Variants in SPINK9 observed in about 807,000 individuals in gnomAD.
SPINK9 encodes the protein serine protease inhibitor Kazal-type 9.
A neutral mutation model predicts 10.8 loss-of-function variants in SPINK9; 3 were observed. That is an observed-to-expected ratio of 0.28 (90% CI 0.13 to 0.72). The LOEUF is 0.72. Ranked by LOEUF, SPINK9 falls within the 30% of genes least tolerant of loss-of-function variation. The probability of loss-of-function intolerance (pLI) is 0.74; values close to 1 mark genes in which losing one functional copy is unlikely to be tolerated. For missense variants in SPINK9, 101 were observed against 103.2 expected (o/e 0.98, Z 0.09); for synonymous variants, 30 against 31.2 (o/e 0.96, Z 0.12).
chr5:148,338,757 C>T (rs1330208706), intron 3 of SPINK9, 152 bp downstream of exon 3: 1 of 513,080 alleles, frequency 1.9e-6, no homozygotes, highest in African/African-American at 2.0e-5. Context: ...TTTGGGAGTC[C>T]CTGATATCAC....
intron 1 of SPINK9, chr5:148,323,665 T>G: frequency 1.9e-6 from 1 of 539,252 alleles, no homozygotes; most frequent in South Asian, 2.6e-5. Flanking sequence ...TTTTTAAAAT[T>G]TTACCTTTTG....
chr5:148,332,655 A>G (rs2113419533), upstream of SPINK9, among the ~76,000 whole-genome samples: 1 of 152,318 alleles, frequency 6.6e-6, no homozygotes, highest in African/African-American at 2.4e-5. Flanking sequence ...CCTCTTTTTC[A>G]GTAGCTGTAA....
chr5:148,334,308 T>C (rs1489747624), upstream of SPINK9, among the ~76,000 whole-genome samples: 1 of 152,102 alleles, frequency 6.6e-6, no homozygotes, highest in Admixed American at 6.6e-5. Flanking sequence ...ATTTAGTAAG[T>C]TCTTTACTAA....
chr5:148,332,372 T>C (rs568786877), upstream of SPINK9, among the ~76,000 whole-genome samples: 21 of 152,324 alleles, frequency 1.4e-4, no homozygotes, highest in African/African-American at 4.1e-4. Context: ...CACACACATA[T>C]TACAAATTAA....
intron 2 of SPINK9, among the ~76,000 whole-genome samples, chr5:148,326,683 T>A (rs1757065796): frequency 6.6e-6 from 1 of 151,618 alleles, no homozygotes; most frequent in Admixed American, 6.6e-5. Flanking sequence ...CCCACAACAG[T>A]CCCCGGTGTG....
chr5:148,322,246 A>G (rs1257134212), intron 1 of SPINK9, among the ~76,000 whole-genome samples: 1 of 152,248 alleles, frequency 6.6e-6, no homozygotes, highest in African/African-American at 2.4e-5. Flanking sequence ...TACATTGATC[A>G]TAACACAAGT....
chr5:148,335,644 G>A lies in SPINK9; in HGVS notation c.31G>A (p.Ala11Thr). 1.2e-6 allele frequency: 2 copies of A among 1,613,544 alleles called. No individual in the cohort carries two copies. Among genetic ancestry groups the A allele is most frequent in the Non-Finnish European group, 1.7e-6 (2 of 1,179,820 alleles). Reference sequence around the variant, plus strand: ...AGCAACAGCCATAGTCCTACTCTTGGCTCTGACACTTGCAACCATGTTCAG... The same window carrying A: ...AGCAACAGCCATAGTCCTACTCTTGACTCTGACACTTGCAACCATGTTCAG... MRATAIVLLL[A>T]LTLATMFSIE... Residue 11 changes from alanine to threonine, a missense_variant, in exon 1 of 4, where the codon GCT becomes ACT. By Grantham distance (58) the Ala-to-Thr change is moderately conservative (BLOSUM62 0). Coordinates refer to ENST00000377906, the MANE Select transcript of SPINK9 (RefSeq NM_001040433.2).
intron 1 of SPINK9, among the ~76,000 whole-genome samples, chr5:148,322,800 A>C (rs1161304028): frequency 6.6e-6 from 1 of 152,114 alleles, no homozygotes; most frequent in Admixed American, 6.5e-5. Context: ...TTCATAGGAG[A>C]CCAGGGCAGG....
intron 2 of SPINK9, among the ~76,000 whole-genome samples, chr5:148,336,697 C>T (rs1205460467): frequency 6.6e-6 from 1 of 152,166 alleles, no homozygotes; most frequent in Non-Finnish European, 1.5e-5. Flanking sequence ...GATCACGTGG[C>T]CATGGGCAAC....
chr5:148,330,342 G>A (rs1029380378), intron 2 of SPINK9, among the ~76,000 whole-genome samples: 1 of 151,632 alleles, frequency 6.6e-6, no homozygotes, highest in African/African-American at 2.4e-5. Context: ...GCCTTTTTTT[G>A]TTTTCCATTT....
chr5:148,328,088 A>C (rs1361022123), intron 2 of SPINK9, among the ~76,000 whole-genome samples: 17 of 152,252 alleles, frequency 1.1e-4, no homozygotes, highest in African/African-American at 3.8e-4. Context: ...TCTATAAATT[A>C]CCTTGGGCAG....
At chr5:148,327,980 G>A (rs1416016582) in intron 2 of SPINK9, among the ~76,000 whole-genome samples, 1 of 150,890 alleles carries the variant, frequency 6.6e-6, no homozygotes, top group Non-Finnish European at 1.5e-5. Flanking sequence ...GATTGACTTG[G>A]CAATGCGGGC....
chr5:148,334,365 G>A (rs1347302772), upstream of SPINK9, among the ~76,000 whole-genome samples: 1 of 152,096 alleles, frequency 6.6e-6, no homozygotes, highest in Non-Finnish European at 1.5e-5. Context: ...CAATGCCAAG[G>A]CCTAGTCAAG....
At chr5:148,322,155 G>A (rs1291263782) in intron 1 of SPINK9, among the ~76,000 whole-genome samples, 1 of 152,156 alleles carries the variant, frequency 6.6e-6, no homozygotes, top group African/African-American at 2.4e-5. Context: ...AATCACTATA[G>A]TCTACAGCCT....
intron 2 of SPINK9, among the ~76,000 whole-genome samples, chr5:148,326,851 T>G (rs1274933933): frequency 6.6e-6 from 1 of 152,192 alleles, no homozygotes; most frequent in African/African-American, 2.4e-5. Flanking sequence ...ACTCATCATT[T>G]TTTATGGCTG....
upstream of SPINK9, among the ~76,000 whole-genome samples, chr5:148,334,773 G>A (rs1581189367): frequency 6.6e-6 from 1 of 151,982 alleles, no homozygotes; most frequent in Admixed American, 6.6e-5. Context: ...TTCATGGACT[G>A]TGGCATATTC....
chr5:148,335,881 A>C (rs994453563), intron 1 of SPINK9, among the ~76,000 whole-genome samples: 2 of 152,216 alleles, frequency 1.3e-5, no homozygotes, highest in African/African-American at 2.4e-5. Flanking sequence ...ATGCTTATTC[A>C]TGAGAATACT....
chr5:148,335,533 T>C (rs1291102917), upstream of SPINK9: 9 of 1,269,040 alleles, frequency 7.1e-6, no homozygotes, highest in Non-Finnish European at 1.0e-5. Context: ...TGAAAATATA[T>C]AAGGCAGGAT....
intron 2 of SPINK9, among the ~76,000 whole-genome samples, chr5:148,338,101 T>C (rs1327436073): frequency 6.6e-6 from 1 of 152,108 alleles, no homozygotes; most frequent in African/African-American, 2.4e-5. Context: ...GCTTTTTCAG[T>C]GAAAGACAGA....
Sources: allele counts gnomAD v4.1 joint callset (sites outside exome capture counted in the v4.1 genomes callset), GRCh38; gene constraint gnomAD v4.1.1; transcripts MANE v1.5; gene names NCBI Gene and HGNC (gene_info 2026-07-23, HGNC 2026-07-21).